The following TAFA2 variants were observed in gnomAD, a reference collection of about 807,000 sequenced individuals.
The protein encoded by TAFA2 is chemokine-like protein TAFA-2.
A neutral mutation model predicts 18.8 loss-of-function variants in TAFA2; 7 were observed. The observed-to-expected ratio is 0.37, with a 90% CI of 0.21 to 0.70. TAFA2 has a LOEUF of 0.70. Ranked by LOEUF, TAFA2 falls within the 30% of genes least tolerant of loss-of-function variation. The pLI is 0.53. For missense variants in TAFA2, 122 were observed against 158.1 expected (o/e 0.77, Z 1.23); for synonymous variants, 60 against 54.2 (o/e 1.11, Z -0.47).
chr12:62,111,016 G>T (rs1869705469), intron 1 of TAFA2, among the ~76,000 whole-genome samples: 1 of 151,492 alleles, frequency 6.6e-6, no homozygotes, highest in Admixed American at 6.6e-5. Flanking sequence ...TTAGTTATTT[G>T]TCTTCTGCTA....
chr12:62,114,789 T>A (rs1869888698), intron 1 of TAFA2, among the ~76,000 whole-genome samples: 1 of 152,178 alleles, frequency 6.6e-6, no homozygotes, highest in Non-Finnish European at 1.5e-5. Context: ...TTTTAACCAT[T>A]CCTTAATATT....
At chr12:61,928,287 G>A (rs1362080469) in intron 1 of TAFA2, among the ~76,000 whole-genome samples, 3 of 152,122 alleles carry the variant, frequency 2.0e-5, no homozygotes, top group African/African-American at 4.8e-5. Context: ...TAGCCAGAAT[G>A]TACAAGGAAC....
chr12:61,906,274 G>A (rs1876346879), intron 1 of TAFA2, among the ~76,000 whole-genome samples: 1 of 152,202 alleles, frequency 6.6e-6, no homozygotes, highest in Non-Finnish European at 1.5e-5. Flanking sequence ...AATGTCATGG[G>A]AGGGACCCAG....
chr12:61,732,029 T>C (rs1011307718), intron 4 of TAFA2, among the ~76,000 whole-genome samples: 9 of 152,054 alleles, frequency 5.9e-5, no homozygotes, highest in African/African-American at 2.2e-4. Flanking sequence ...TTTAATGTAT[T>C]TTAGGCCCTG....
At chr12:62,163,641 T>A (rs2136932920) in intron 1 of TAFA2, among the ~76,000 whole-genome samples, 1 of 152,262 alleles carries the variant, frequency 6.6e-6, no homozygotes, top group South Asian at 2.1e-4. Context: ...AAATGAGCAG[T>A]CACGGAAATG....
At chr12:61,833,918 A>G (rs1872814147) in intron 2 of TAFA2, among the ~76,000 whole-genome samples, 1 of 151,898 alleles carries the variant, frequency 6.6e-6, no homozygotes, top group South Asian at 2.1e-4. Context: ...ATCAAGCCCA[A>G]CTCCAAGAGC....
chr12:61,868,424 C>T (rs1265581655), intron 1 of TAFA2, among the ~76,000 whole-genome samples: 1 of 152,180 alleles, frequency 6.6e-6, no homozygotes, highest in Non-Finnish European at 1.5e-5. Flanking sequence ...GTCTGTCACC[C>T]TGTGACTTTC....
chr12:61,795,170 G>A (rs1318843964), intron 2 of TAFA2, among the ~76,000 whole-genome samples: 2 of 152,284 alleles, frequency 1.3e-5, no homozygotes, highest in African/African-American at 4.8e-5. Flanking sequence ...AAGAGAGTGT[G>A]GCAATTCCTA....
chr12:61,867,094 T>C (rs1211481661), intron 2 of TAFA2, among the ~76,000 whole-genome samples: 1 of 152,122 alleles, frequency 6.6e-6, no homozygotes, highest in Non-Finnish European at 1.5e-5. Flanking sequence ...TCTATTTCCA[T>C]ATTCTTTGAA....
At chr12:61,884,075 T>C (rs1004847388) in intron 1 of TAFA2, among the ~76,000 whole-genome samples, 2 of 152,110 alleles carry the variant, frequency 1.3e-5, no homozygotes, top group African/African-American at 4.8e-5. Flanking sequence ...ATGAAGAAAG[T>C]AATGTCAAGC....
At chr12:62,200,036 G>A (rs1045711679) in intron 1 of TAFA2, among the ~76,000 whole-genome samples, 2 of 152,110 alleles carry the variant, frequency 1.3e-5, no homozygotes, top group African/African-American at 4.8e-5. Flanking sequence ...ATGCTTGTTA[G>A]TTGCATATAT....
At chr12:62,086,286 A>G (rs1255045637) in intron 1 of TAFA2, among the ~76,000 whole-genome samples, 1 of 152,180 alleles carries the variant, frequency 6.6e-6, no homozygotes, top group Non-Finnish European at 1.5e-5. Context: ...GAAGAAAAAA[A>G]TAGGTAATTT....
intron 1 of TAFA2, among the ~76,000 whole-genome samples, chr12:62,143,574 T>C (rs1037467976): frequency 6.6e-6 from 1 of 152,136 alleles, no homozygotes; most frequent in Admixed American, 6.5e-5. Context: ...GTGCCATTCA[T>C]GTGATCTATG....
At chr12:61,725,440 C>T (rs1870115746) in intron 4 of TAFA2, among the ~76,000 whole-genome samples, 2 of 151,948 alleles carry the variant, frequency 1.3e-5, no homozygotes, top group African/African-American at 4.8e-5. Context: ...GCCTTTGATC[C>T]ATCTTGGGTT....
intron 1 of TAFA2, among the ~76,000 whole-genome samples, chr12:62,106,660 T>C (rs1034589305): frequency 2.0e-5 from 3 of 152,182 alleles, no homozygotes; most frequent in African/African-American, 7.2e-5. Flanking sequence ...AGAGTAACAG[T>C]AAACTTTTCT....
intron 4 of TAFA2, among the ~76,000 whole-genome samples, chr12:61,718,880 T>G (rs1869773195): frequency 1.3e-5 from 2 of 152,172 alleles, no homozygotes; most frequent in South Asian, 4.1e-4. Flanking sequence ...AAATTGTACT[T>G]TAAAAAATGA....
At chr12:62,068,281 A>T (rs1046301199) in intron 1 of TAFA2, among the ~76,000 whole-genome samples, 3 of 152,126 alleles carry the variant, frequency 2.0e-5, no homozygotes, top group African/African-American at 4.8e-5. Flanking sequence ...AGAAAGTTTA[A>T]ACTACAAATA....
chr12:62,042,424 TGTGTGC>T (rs549696317), intron 1 of TAFA2, among the ~76,000 whole-genome samples: 4 of 86,962 alleles, frequency 4.6e-5, no homozygotes, highest in Non-Finnish European at 1.1e-4. Context: ...TGTGTGTGTG[TGTGTGC>T]GCGTGTGTGT....
Position 62,129,984 on chromosome 12 carries a change from T to G in TAFA2, c.-2+61275A>C, listed in dbSNP as rs373839622. Among the ~76,000 whole-genome samples the G allele has an allele frequency of 2.0e-5, 3 of 152,048 alleles. No homozygotes were observed. In the East Asian group the frequency reaches 5.8e-4, roughly 29 times the overall value. ...TTTTCATGTTATGTTTTAGTAGCACTCCATTACCCAGCATATCAGATTAAC... is the reference window on the plus strand; with the variant it reads ...TTTTCATGTTATGTTTTAGTAGCACGCCATTACCCAGCATATCAGATTAAC... On this transcript the variant is annotated intron_variant, in intron 1 of 4. Coordinates refer to ENST00000416284, the MANE Select transcript of TAFA2 (RefSeq NM_178539.5).
Sources: allele counts gnomAD v4.1 joint callset (sites outside exome capture counted in the v4.1 genomes callset), GRCh38; gene constraint gnomAD v4.1.1; transcripts MANE v1.5; gene names NCBI Gene and HGNC (gene_info 2026-07-23, HGNC 2026-07-21).